The following MCF2L variants were observed in gnomAD, a reference collection of about 807,000 sequenced individuals.
MCF2L encodes the protein MCF.2 cell line derived transforming sequence like.
In MCF2L, 97 loss-of-function variants were observed where a neutral mutation model predicts 153.4. The ratio of observed to expected loss-of-function variants is 0.63; its 90% CI spans 0.54 to 0.75. MCF2L has a LOEUF of 0.75. MCF2L is among the 30% of genes least tolerant of loss of function. The probability of loss-of-function intolerance (pLI) is 0.00; values close to 1 mark genes in which losing one functional copy is unlikely to be tolerated. For synonymous variants in MCF2L, 659 were observed against 632.2 expected, an observed-to-expected ratio of 1.04 and a Z score of -0.64; for missense variants, 1,347 against 1,495.2, an observed-to-expected ratio of 0.90 and a Z score of 1.64.
chr13:113,019,836 A>G (rs916682262), intron 2 of MCF2L, among the ~76,000 whole-genome samples: 17 of 152,298 alleles, frequency 1.1e-4, no homozygotes, highest in Admixed American at 9.2e-4. Context: ...GCCATGCCTC[A>G]AGGAGACCTC....
At chr13:113,084,682 C>T in intron 18 of MCF2L, 1 of 589,712 alleles carries the variant, frequency 1.7e-6, no homozygotes, top group Admixed American at 3.0e-5. Context: ...ACAGGGAGCC[C>T]CATTAATGGA....
chr13:113,087,246 C>G lies in MCF2L; in HGVS notation c.2385C>G (p.Gly795=). Residue 795 remains glycine (G), a synonymous_variant, in exon 22 of 30, where the codon GGC becomes GGG. Transcript: ENST00000535094. Reference sequence around the variant, plus strand: ...TGTCGCACATTTAGGGGAATCTCGGCGACCTGGGCAAGCTGCTGATGCAGG... The same window carrying G: ...TGTCGCACATTTAGGGGAATCTCGGGGACCTGGGCAAGCTGCTGATGCAGG... ...IAITGYDGNL[G]DLGKLLMQGS... is the part of the protein sequence containing the mutation. 1 of 1,611,422 alleles carries G rather than the reference C, an allele frequency of 6.2e-7. No homozygotes were observed. Among genetic ancestry groups the G allele is most frequent in the Non-Finnish European group, 8.5e-7 (1 of 1,179,678 alleles).
Position 112,926,314 on chromosome 13 carries a change from C to A in MCF2L, c.169+23943C>A, listed in dbSNP as rs775757908. 3.3e-5 allele frequency among the ~76,000 whole-genome samples: 5 copies of A among 151,208 alleles called. 1 individual carries two copies. The highest frequency in any genetic ancestry group is 4.2e-4 in the South Asian group (2 of 4,764). On this transcript the variant is annotated intron_variant, in intron 2 of 29. Coordinates refer to the MCF2L transcript ENST00000375608. ...TGCATGGCCTGGTCTACGTACACAG[C>A]GGAGTGCAGTACGGCCTGGTCTACA...
At chr13:113,089,755 A>T in intron 26 of MCF2L, 27 bp downstream of exon 26, 5 of 1,596,824 alleles carry the variant, frequency 3.1e-6, no homozygotes, top group Non-Finnish European at 4.3e-6. Flanking sequence ...ACCGGGCCTC[A>T]CACGGAGGCC....
chr13:113,094,432 G>A (rs2142127075), intron 26 of MCF2L, 82 bp from the exon 27 acceptor site: 1 of 1,455,584 alleles, frequency 6.9e-7, no homozygotes, highest in Non-Finnish European at 9.2e-7. Flanking sequence ...GGGGTCTGTG[G>A]GACTTAGCTG....
intron 4 of MCF2L, among the ~76,000 whole-genome samples, chr13:113,051,650 T>C (rs2087337130): frequency 6.6e-6 from 1 of 152,212 alleles, no homozygotes; most frequent in Non-Finnish European, 1.5e-5. Flanking sequence ...AATAACAAGG[T>C]TGTCTTAGTC....
intron 3 of MCF2L, among the ~76,000 whole-genome samples, chr13:113,032,381 A>G (rs997926350): frequency 6.6e-6 from 1 of 152,160 alleles, no homozygotes; most frequent in Non-Finnish European, 1.5e-5. Flanking sequence ...TGAAGCTTCC[A>G]CTTCACCTCC....
At chr13:112,980,943 G>A (rs1237847320) in intron 1 of MCF2L, among the ~76,000 whole-genome samples, 1 of 152,216 alleles carries the variant, frequency 6.6e-6, no homozygotes, top group Non-Finnish European at 1.5e-5. Context: ...CACAGTGGGG[G>A]CTTGGAGATG....
chr13:113,059,387 G>T (rs186953457), intron 4 of MCF2L, among the ~76,000 whole-genome samples: 1 of 152,234 alleles, frequency 6.6e-6, no homozygotes, highest in Non-Finnish European at 1.5e-5. Context: ...GGACATCCTG[G>T]TGAGTCGGTC....
At chr13:112,994,218 C>T (rs1474964866) in intron 1 of MCF2L, among the ~76,000 whole-genome samples, 1 of 147,496 alleles carries the variant, frequency 6.8e-6, no homozygotes, top group African/African-American at 2.5e-5. Context: ...GGGCACGGTG[C>T]GTGGGATGCC....
At position 112,918,705 on chromosome 13, in the gene MCF2L, T is replaced by C. The variant is rs1594324434; in HGVS notation, c.169+16334T>C. Among the ~76,000 whole-genome samples, 20 of 152,298 alleles carry C rather than the reference T, an allele frequency of 1.3e-4. 1 individual carries two copies. In the South Asian group the frequency reaches 3.9e-3, roughly 30 times the overall value. On this transcript the variant is annotated intron_variant, in intron 2 of 29. Coordinates refer to the MCF2L transcript ENST00000375608. ...TGCTTTTGTCTCCTGGGAGGTGCTG[T>C]GGATATAAACATTATATGCAGAGCA... is the stretch of plus-strand genomic sequence containing the variant.
At chr13:112,919,456 C>T (rs1268557838) in intron 2 of MCF2L, among the ~76,000 whole-genome samples, 5 of 152,058 alleles carry the variant, frequency 3.3e-5, no homozygotes, top group Non-Finnish European at 7.3e-5. Context: ...CCGCCCGCCT[C>T]GGCCTCCCAA....
At chr13:113,073,954 T>C (rs1190654186) in intron 9 of MCF2L, among the ~76,000 whole-genome samples, 2 of 152,148 alleles carry the variant, frequency 1.3e-5, no homozygotes, top group Non-Finnish European at 2.9e-5. Context: ...AAATCATTTC[T>C]ATGACACCCA....
intron 1 of MCF2L, among the ~76,000 whole-genome samples, chr13:112,999,978 A>G (rs7333747): frequency 1.1e-5 from 1 of 94,344 alleles, no homozygotes; most frequent in Admixed American, 1.1e-4. Context: ...GGGCTGAGGC[A>G]CAGGTGGCGA....
intron 1 of MCF2L, among the ~76,000 whole-genome samples, chr13:112,900,063 G>C (rs971926321): frequency 6.6e-6 from 1 of 152,162 alleles, no homozygotes; most frequent in Non-Finnish European, 1.5e-5. Flanking sequence ...TGCACACCTG[G>C]CCTTTCATTT....
chr13:112,910,722 C>T (rs972588273), intron 2 of MCF2L: 1 of 152,234 alleles, frequency 6.6e-6, no homozygotes, highest in Non-Finnish European at 1.5e-5. Flanking sequence ...TGAAAACAGG[C>T]ACGAGGGGGG....
chr13:113,027,573 C>T lies in MCF2L; in HGVS notation c.278+2815C>T, dbSNP rs561310701. On this transcript the variant is annotated intron_variant, in intron 3 of 29. Coordinates refer to ENST00000535094, the MANE Select transcript of MCF2L (RefSeq NM_001112732.3). The surrounding 1 kb of genome is among the most constrained non-coding windows in gnomAD (Gnocchi z 4.8). ...TTGTGAGAATCTTGCACCCCCTATG[C>T]GCCAGGCTCTGCTGGCTGAGCTGAG... is the stretch of plus-strand genomic sequence containing the variant. Among the ~76,000 whole-genome samples the T allele has an allele frequency of 9.8e-5, 15 of 152,300 alleles. No individual in the cohort carries two copies. The South Asian group carries it at 2.9e-3, about 29-fold the overall frequency.
At position 112,917,245 on chromosome 13, in the gene MCF2L, A is replaced by G. The variant is rs552027980; in HGVS notation, c.169+14874A>G. ...TCCGCAGAGCCTCCACCCGCATCCT[A>G]CAGGTCTCCCAGAGCCGCGTCATCC... On this transcript the variant is annotated intron_variant, in intron 2 of 29. Coordinates refer to the MCF2L transcript ENST00000375608. The G allele has an allele frequency of 2.2e-4, 102 of 463,620 alleles. 1 individual carries two copies. The highest frequency in any genetic ancestry group is 4.2e-4 in the Non-Finnish European group (93 of 224,010). 28.7% of individuals were successfully genotyped at this position (463,620 alleles called of 1,614,324 possible).
At chr13:112,902,521 G>A in intron 2 of MCF2L, 1 of 838,640 alleles carries the variant, frequency 1.2e-6, no homozygotes, top group Non-Finnish European at 1.8e-6. Context: ...GCTGTGGGAG[G>A]GGCCTCGAAT....
Sources: allele counts gnomAD v4.1 joint callset (sites outside exome capture counted in the v4.1 genomes callset), GRCh38; gene constraint gnomAD v4.1.1; non-coding constraint Gnocchi (gnomAD v3.1); transcripts MANE v1.5; gene names NCBI Gene and HGNC (gene_info 2026-07-23, HGNC 2026-07-21).